CCDC178: variants seen among roughly 807,000 people sequenced by gnomAD.
CCDC178 encodes coiled-coil domain containing 178.
In CCDC178, 126 loss-of-function variants were observed where a neutral mutation model predicts 117.4. The ratio of observed to expected loss-of-function variants is 1.07; its 90% CI spans 0.93 to 1.24. CCDC178 has a LOEUF of 1.24. CCDC178 is among the 50% of genes most tolerant of loss of function. The pLI is 0.00. For missense variants in CCDC178, 1,030 were observed against 986.9 expected, an observed-to-expected ratio of 1.04 and a Z score of -0.59; for synonymous variants, 283 against 313.4, an observed-to-expected ratio of 0.90 and a Z score of 1.02.
Position 33,092,816 on chromosome 18 carries a change from A to T in CCDC178, c.2333T>A (p.Phe778Tyr). 1 of 1,558,244 alleles carries T rather than the reference A, an allele frequency of 6.4e-7. No individual in the cohort carries two copies. The highest frequency in any genetic ancestry group is 8.8e-7 in the Non-Finnish European group (1 of 1,138,006). Residue 778 changes from phenylalanine to tyrosine, a missense_variant, in exon 21 of 23, where the codon TTC becomes TAC. Coordinates refer to ENST00000383096, the MANE Select transcript of CCDC178 (RefSeq NM_001105528.4). Reference protein sequence around the residue: ...ITFLKEKDNYFNIYDKQLSLD... With the variant: ...ITFLKEKDNYYNIYDKQLSLD... ...TGATAGCTGTTTATCATATATATTG[A>T]AATAATTGTCCTTTTCTTTTAAGAA...
At chr18:33,333,083 AC>A in intron 10 of CCDC178, 90 bp downstream of exon 10, 1 of 668,232 alleles carries the variant, frequency 1.5e-6, no homozygotes, top group Non-Finnish European at 2.5e-6. Context: ...AAAAAAAAAA[AC>A]CTTTAAAGCT....
intron 11 of CCDC178, among the ~76,000 whole-genome samples, chr18:33,319,497 A>G (rs2062472507): frequency 6.6e-6 from 1 of 152,092 alleles, no homozygotes; most frequent in African/African-American, 2.4e-5. Flanking sequence ...TGCCGCAATA[A>G]ACATACGTGT....
At chr18:33,215,411 A>C in intron 19 of CCDC178, 139 bp downstream of exon 19, 1 of 518,968 alleles carries the variant, frequency 1.9e-6, no homozygotes, top group Non-Finnish European at 3.0e-6. Context: ...AAAATTATCA[A>C]ATAACACATA....
intron 3 of CCDC178, among the ~76,000 whole-genome samples, chr18:33,405,751 G>A (rs1203624283): frequency 6.6e-6 from 1 of 152,004 alleles, no homozygotes; most frequent in East Asian, 1.9e-4. Context: ...GCATAGTACA[G>A]GCAGTGAATC....
chr18:33,114,115 A>G (rs2057819811), intron 20 of CCDC178, among the ~76,000 whole-genome samples: 2 of 152,106 alleles, frequency 1.3e-5, no homozygotes. Context: ...TAATGTTCTG[A>G]GGCAGCTCCC....
At chr18:33,285,975 A>ATT (rs60956262) in intron 12 of CCDC178, among the ~76,000 whole-genome samples, 110,845 of 137,968 alleles carry the variant, frequency 0.8, 45,431 homozygotes, top group Non-Finnish European at 0.88. Context: ...AGCAATGTGT[A>ATT]TTTTTTTTTT....
chr18:33,291,941 G>T (rs2060170324), intron 12 of CCDC178, among the ~76,000 whole-genome samples: 1 of 151,540 alleles, frequency 6.6e-6, no homozygotes, highest in Non-Finnish European at 1.5e-5. Flanking sequence ...CAGAGAAAAG[G>T]TACTCTTAAA....
At chr18:33,120,334 C>G (rs2057920363) in intron 20 of CCDC178, among the ~76,000 whole-genome samples, 1 of 152,014 alleles carries the variant, frequency 6.6e-6, no homozygotes, top group Non-Finnish European at 1.5e-5. Context: ...ATTGACTGGG[C>G]TGATTTATTT....
At chr18:33,136,103 G>T (rs571917882) in intron 20 of CCDC178, 8 of 152,176 alleles carry the variant, frequency 5.3e-5, no homozygotes, top group Non-Finnish European at 1.0e-4. Context: ...CCCAGCCTCC[G>T]TGGGACCTTG....
chr18:33,114,937 G>T (rs1464502626), intron 20 of CCDC178, among the ~76,000 whole-genome samples: 2 of 151,992 alleles, frequency 1.3e-5, no homozygotes, highest in Non-Finnish European at 2.9e-5. Context: ...GAATAATAGA[G>T]ATTTACAGGT....
chr18:33,171,751 A>T (rs1293061851), intron 20 of CCDC178, among the ~76,000 whole-genome samples: 1 of 151,976 alleles, frequency 6.6e-6, no homozygotes, highest in African/African-American at 2.4e-5. Flanking sequence ...CTGAGGAAAT[A>T]CTCCTAAATT....
chr18:33,151,733 A>G (rs1241347506), intron 20 of CCDC178, among the ~76,000 whole-genome samples: 1 of 152,206 alleles, frequency 6.6e-6, no homozygotes, highest in Non-Finnish European at 1.5e-5. Flanking sequence ...AACACCAACG[A>G]CAATAATGTC....
rs2062694311 is a variant in CCDC178 at position 33,333,215 on chromosome 18, C to T, written c.838G>A (p.Glu280Lys). 3 of 1,607,424 alleles carry T rather than the reference C, an allele frequency of 1.9e-6. No individual in the cohort carries two copies. Among genetic ancestry groups the T allele is most frequent in the African/African-American group, 1.3e-5 (1 of 74,596 alleles). ...TAATGGTTCTTCAGATCTTGAAGTT[C>T]CTGATTCTGCTTAGAGTCCAGTAGA... ...GPLLDSKQNQ[E>K]LQDLKNHYKK... Residue 280 changes from glutamate to lysine, a missense_variant, in exon 10 of 23, where the codon GAA (glutamate) becomes AAA (lysine). Coordinates refer to ENST00000383096, the MANE Select transcript of CCDC178 (RefSeq NM_001105528.4).
At chr18:33,347,444 A>G (rs1331892615) in intron 8 of CCDC178, among the ~76,000 whole-genome samples, 1 of 152,206 alleles carries the variant, frequency 6.6e-6, no homozygotes, top group Non-Finnish European at 1.5e-5. Flanking sequence ...GCTGCCTCAG[A>G]AGCATTCTTA....
At chr18:32,947,104 C>T (rs2054374435) in intron 22 of CCDC178, among the ~76,000 whole-genome samples, 2 of 152,074 alleles carry the variant, frequency 1.3e-5, no homozygotes, top group Non-Finnish European at 2.9e-5. Context: ...AAGAAAAGTG[C>T]CATTCTCCTT....
intron 22 of CCDC178, among the ~76,000 whole-genome samples, chr18:32,953,634 A>G (rs1387913028): frequency 6.6e-6 from 1 of 152,224 alleles, no homozygotes; most frequent in African/African-American, 2.4e-5. Context: ...AAAATGATGA[A>G]CAGAAATGTT....
At chr18:33,028,849 C>G (rs560647444) in intron 21 of CCDC178, among the ~76,000 whole-genome samples, 1 of 151,680 alleles carries the variant, frequency 6.6e-6, no homozygotes, top group African/African-American at 2.4e-5. Flanking sequence ...ACTGAAATAA[C>G]CTTGCATACC....
chr18:33,136,729 A>AT (rs1385752232), intron 20 of CCDC178, among the ~76,000 whole-genome samples: 2 of 152,082 alleles, frequency 1.3e-5, no homozygotes, highest in African/African-American at 2.4e-5. Context: ...GTGCTATCCT[A>AT]TTTTTTCTGA....
rs547887703 is a variant in CCDC178, at chr18:33,139,747, C to T, written c.2239-46837G>A. Among the ~76,000 whole-genome samples the T allele has an allele frequency of 5.9e-5, 9 of 152,158 alleles. No individual in the cohort carries two copies. The East Asian group carries it at 1.5e-3, about 26-fold the overall frequency. Reference sequence around the variant, plus strand: ...ACAGTTTGGAAAAGTTGCAGCCTCACGATGCAAAAAGAAAAACCCATTTTC... The same window carrying T: ...ACAGTTTGGAAAAGTTGCAGCCTCATGATGCAAAAAGAAAAACCCATTTTC... On this transcript the variant is annotated intron_variant, in intron 20 of 22. Coordinates refer to ENST00000383096, the MANE Select transcript of CCDC178 (RefSeq NM_001105528.4).
Sources: gnomAD v4.1 joint callset for allele counts (sites outside exome capture counted in the v4.1 genomes callset) on GRCh38, gnomAD v4.1.1 for gene constraint, MANE v1.5 for transcripts, NCBI Gene and HGNC (gene_info 2026-07-23, HGNC 2026-07-21) for gene names.